The following JAKMIP1 variants were observed in gnomAD, a reference collection of about 807,000 sequenced individuals.
JAKMIP1 encodes janus kinase and microtubule interacting protein 1, also known as janus kinase and microtubule-interacting protein 1.
Under a neutral mutation model 113.0 loss-of-function variants are expected in JAKMIP1, and 33 were observed. That is an observed-to-expected ratio of 0.29 (90% CI 0.22 to 0.39). The LOEUF (loss-of-function observed/expected upper bound fraction) is 0.39. Among genes scored for constraint, JAKMIP1 ranks in the 10% least tolerant of loss-of-function variants. The pLI, the probability that JAKMIP1 is intolerant of heterozygous loss-of-function variation, is 1.00. For missense variants in JAKMIP1, 813 were observed against 1,080.5 expected (o/e 0.75, Z 3.47); for synonymous variants, 480 against 459.9 (o/e 1.04, Z -0.56).
Position 6,142,856 on chromosome 4 carries a change from G to A in JAKMIP1, c.-147-29859C>T, listed in dbSNP as rs922332886. Among the ~76,000 whole-genome samples, 2 of 152,198 alleles carry A rather than the reference G, an allele frequency of 1.3e-5. No homozygotes were observed. Among genetic ancestry groups the A allele is most frequent in the African/African-American group, 4.8e-5 (2 of 41,438 alleles). On this transcript the variant is annotated intron_variant, in intron 1 of 20. Transcript: ENST00000409021. The surrounding 1 kb of genome is among the most constrained non-coding windows in gnomAD (Gnocchi z 5.5). ...CTTCATTGCTTACAGGTGAGGAAAC[G>A]GAGGATGGAAAGGTTTAAGGGACAT...
intron 1 of JAKMIP1, among the ~76,000 whole-genome samples, chr4:6,122,929 G>C (rs1248164209): frequency 2.0e-5 from 3 of 152,050 alleles, no homozygotes; most frequent in Non-Finnish European, 4.4e-5. Context: ...GGTTGTTTTG[G>C]GCATGAAATG....
In JAKMIP1 at chr4:6,157,351, A is replaced by C. The variant is rs183478735; in HGVS notation, c.-148+42902T>G. Reference sequence around the variant, plus strand: ...GGCGCACGGGATGGGAAGCTGGCGCACAACACAGGGTTGTCCCAAGAACCA... The same window carrying C: ...GGCGCACGGGATGGGAAGCTGGCGCCCAACACAGGGTTGTCCCAAGAACCA... On this transcript the variant is annotated intron_variant, in intron 1 of 20. Coordinates refer to ENST00000409021, the MANE Select transcript of JAKMIP1 (RefSeq NM_001099433.2). This position sits in a 1 kb window ranked among gnomAD's most constrained non-coding sequence, Gnocchi z 4.7. Among the ~76,000 whole-genome samples the C allele has an allele frequency of 3.4e-4, 52 of 152,330 alleles. No individual in the cohort carries two copies. Among genetic ancestry groups the C allele is most frequent in the Non-Finnish European group, 1.5e-4 (10 of 68,028 alleles).
At position 6,085,447 on chromosome 4, in the gene JAKMIP1, C is replaced by T. The variant is rs61753516; in HGVS notation, c.807G>A (p.Gly269=). The T allele has an allele frequency of 1.3e-5, 21 of 1,613,642 alleles. No homozygotes were observed. Among genetic ancestry groups the T allele is most frequent in the Middle Eastern group, 3.3e-4 (2 of 6,078 alleles). ...GGACGCCCATGAGCTCCACCATGTC[C>T]CCGATCCCGGGCGGGAGCTCTCTCT... ...SPKRELPPGI[G]DMVELMGVQD... is the part of the protein sequence containing the mutation. Residue 269 remains glycine (G), a synonymous_variant, in exon 4 of 21, where the codon GGG becomes GGA. Transcript: ENST00000409021.
Position 6,088,952 on chromosome 4 carries a change from G to T in JAKMIP1, c.625-3323C>A, listed in dbSNP as rs79303385. Among the ~76,000 whole-genome samples the T allele has an allele frequency of 0.011, 1,605 of 152,288 alleles. 59 individuals are homozygous for T. The highest frequency in any genetic ancestry group is 0.087 in the East Asian group (452 of 5,170). On this transcript the variant is annotated intron_variant, in intron 3 of 20. Coordinates refer to ENST00000409021, the MANE Select transcript of JAKMIP1 (RefSeq NM_001099433.2). This position sits in a 1 kb window ranked among gnomAD's most constrained non-coding sequence, Gnocchi z 5.5. Reference sequence around the variant, plus strand: ...AAGTTCCCAGGGCAGTCCCCAATTGGCTCATGCCACCCAAATGTCCCTGTC... The same window carrying T: ...AAGTTCCCAGGGCAGTCCCCAATTGTCTCATGCCACCCAAATGTCCCTGTC...
chr4:6,098,867 T>C (rs1371950854), intron 3 of JAKMIP1, among the ~76,000 whole-genome samples: 3 of 152,272 alleles, frequency 2.0e-5, no homozygotes, highest in African/African-American at 7.2e-5. Context: ...CACACTCTTA[T>C]TCTAGCACCT....
rs990379066 is a variant in JAKMIP1 at position 6,193,393 on chromosome 4, T to A, written c.-148+6860A>T. ...ATTCTCCTTAATAAACTCCTTTTCA[T>A]ATACACATATATCCGATTAGTTCTG... On this transcript the variant is annotated intron_variant, in intron 1 of 20. Transcript: ENST00000409021. This position sits in a 1 kb window ranked among gnomAD's most constrained non-coding sequence, Gnocchi z 6.4. 7.9e-5 allele frequency among the ~76,000 whole-genome samples: 12 copies of A among 152,194 alleles called. No homozygotes were observed. The highest frequency in any genetic ancestry group is 1.8e-4 in the Non-Finnish European group (12 of 68,038).
In JAKMIP1 at chr4:6,049,310, A is replaced by C. The variant is rs1458364187; in HGVS notation, c.1963-388T>G. 6.6e-6 allele frequency among the ~76,000 whole-genome samples: 1 copy of C among 152,204 alleles called. No individual in the cohort carries two copies. Among genetic ancestry groups the C allele is most frequent in the East Asian group, 1.9e-4 (1 of 5,192 alleles). On this transcript the variant is annotated intron_variant, in intron 15 of 20. Transcript: ENST00000409021. The surrounding 1 kb of genome is among the most constrained non-coding windows in gnomAD (Gnocchi z 7.0). Reference sequence around the variant, plus strand: ...CTCAGCCTTCCAAAGTGCTGGGATTACAGGCGTGAGCCACCATGCCCCGCC... The same window carrying C: ...CTCAGCCTTCCAAAGTGCTGGGATTCCAGGCGTGAGCCACCATGCCCCGCC...
chr4:6,052,956 C>G (rs1429982784), intron 13 of JAKMIP1, among the ~76,000 whole-genome samples: 1 of 152,180 alleles, frequency 6.6e-6, no homozygotes, highest in African/African-American at 2.4e-5. Flanking sequence ...TACACACGGT[C>G]AGTTCTAATG....
chr4:6,106,514 G>A lies in JAKMIP1; in HGVS notation c.130-547C>T, dbSNP rs754527380. Among the ~76,000 whole-genome samples, 1 of 151,232 alleles carries A rather than the reference G, an allele frequency of 6.6e-6. No homozygotes were observed. Among genetic ancestry groups the A allele is most frequent in the Non-Finnish European group, 1.5e-5 (1 of 67,896 alleles). ...CTCACGGTCTTGGGAAGGAAGTAGC[G>A]TGCTCCCTCTCTTTCTCCCTCTCTC... On this transcript the variant is annotated intron_variant, in intron 2 of 20. Coordinates refer to ENST00000409021, the MANE Select transcript of JAKMIP1 (RefSeq NM_001099433.2). The surrounding 1 kb of genome is among the most constrained non-coding windows in gnomAD (Gnocchi z 5.9).
At chr4:6,118,354 G>A (rs1033929041) in intron 1 of JAKMIP1, among the ~76,000 whole-genome samples, 7 of 152,258 alleles carry the variant, frequency 4.6e-5, no homozygotes, top group Middle Eastern at 3.4e-3. Context: ...AAGCATTGCA[G>A]AGGCTCTGTG....
chr4:6,128,449 A>G (rs900058321), intron 1 of JAKMIP1, among the ~76,000 whole-genome samples: 2 of 152,032 alleles, frequency 1.3e-5, no homozygotes, highest in African/African-American at 4.8e-5. Flanking sequence ...AGGGACCAGG[A>G]GCGGGGAGGG....
intron 9 of JAKMIP1, among the ~76,000 whole-genome samples, chr4:6,063,581 G>GA (rs1578130240): frequency 1.3e-5 from 2 of 152,182 alleles, no homozygotes; most frequent in African/African-American, 2.4e-5. Context: ...TGTGAGAAAG[G>GA]ATGTCCAGGG....
chr4:6,053,673 G>T, intron 13 of JAKMIP1: 1 of 543,094 alleles, frequency 1.8e-6, no homozygotes, highest in Non-Finnish European at 2.5e-6. Flanking sequence ...CTTCCGTCTG[G>T]GTGTGCAGAA....
Position 6,042,891 on chromosome 4 carries a change from G to A in JAKMIP1, c.2029-664C>T, listed in dbSNP as rs60190365. Among the ~76,000 whole-genome samples the A allele has an allele frequency of 2.4e-3, 369 of 152,188 alleles. 1 individual carries two copies. Among genetic ancestry groups the A allele is most frequent in the African/African-American group, 8.4e-3 (348 of 41,530 alleles). On this transcript the variant is annotated intron_variant, in intron 16 of 20. Transcript: ENST00000409021. This position sits in a 1 kb window ranked among gnomAD's most constrained non-coding sequence, Gnocchi z 5.2. Reference sequence around the variant, plus strand: ...ATGAGGGCGCAGGCACGGAGAGTACGGGGTGAACAGGCGGGGCGTGCACCT... The same window carrying A: ...ATGAGGGCGCAGGCACGGAGAGTACAGGGTGAACAGGCGGGGCGTGCACCT...
intron 1 of JAKMIP1, among the ~76,000 whole-genome samples, chr4:6,118,535 T>A (rs1418317033): frequency 6.6e-6 from 1 of 152,142 alleles, no homozygotes; most frequent in East Asian, 1.9e-4. Context: ...AACCTTGACC[T>A]ATATGCCAGG....
chr4:6,079,142 T>C (rs1560151150), intron 7 of JAKMIP1, 144 bp from the exon 8 acceptor site: 1 of 737,088 alleles, frequency 1.4e-6, no homozygotes, highest in Non-Finnish European at 2.4e-6. Flanking sequence ...GATGGCTGCT[T>C]CTCTGAACTG....
chr4:6,064,883 G>A lies in JAKMIP1; in HGVS notation c.1428C>T (p.Asp476=), dbSNP rs757689765. ...RTPATPEEDL[D]DATAREEADL... ...CCCTCTCTGCAGGTTTGCTTACATC[G>A]TCCAAGTCTTCTTCGGGCGTGGCTG... Residue 476 remains aspartate, a synonymous_variant, in exon 9 of 21, where the codon GAC becomes GAT. Coordinates refer to ENST00000409021, the MANE Select transcript of JAKMIP1 (RefSeq NM_001099433.2). This position sits in a 1 kb window ranked among gnomAD's most constrained non-coding sequence, Gnocchi z 4.3. The A allele has an allele frequency of 2.7e-5, 43 of 1,613,926 alleles. No homozygotes were observed. The South Asian group carries it at 3.5e-4, about 13-fold the overall frequency.
At chr4:6,160,781 G>T (rs76943749) in intron 1 of JAKMIP1, among the ~76,000 whole-genome samples, 1,596 of 152,112 alleles carry the variant, frequency 0.01, 46 homozygotes, top group Admixed American at 0.074. Context: ...GCTTTCCTGC[G>T]CGGGGGCTTC....
intron 16 of JAKMIP1, among the ~76,000 whole-genome samples, chr4:6,045,516 C>G (rs1165029418): frequency 6.6e-6 from 1 of 152,172 alleles, no homozygotes; most frequent in Non-Finnish European, 1.5e-5. Context: ...CTGTTTGTAG[C>G]GAAATCAACA....
Sources: allele counts gnomAD v4.1 joint callset (sites outside exome capture counted in the v4.1 genomes callset), GRCh38; gene constraint gnomAD v4.1.1; non-coding constraint Gnocchi (gnomAD v3.1); transcripts MANE v1.5; gene names NCBI Gene and HGNC (gene_info 2026-07-23, HGNC 2026-07-21).